Variants in TENM1 observed in about 807,000 individuals in gnomAD.
TENM1 encodes the protein teneurin transmembrane protein 1.
TENM1 carries 35 observed loss-of-function variants against 174.8 expected under a neutral mutation model. That is an observed-to-expected ratio of 0.20 (90% CI 0.15 to 0.27). The LOEUF (loss-of-function observed/expected upper bound fraction) is 0.27, where lower values mean the gene tolerates loss of function less well. Among genes scored for constraint, TENM1 ranks in the 10% least tolerant of loss-of-function variants. The pLI, the probability that TENM1 is intolerant of heterozygous loss-of-function variation, is 1.00. For synonymous variants in TENM1, 781 were observed against 798.7 expected, an observed-to-expected ratio of 0.98 and a Z score of 0.37; for missense variants, 1,633 against 2,130.1, an observed-to-expected ratio of 0.77 and a Z score of 4.59.
chrX:124,690,652 C>T (rs1169206547), intron 5 of TENM1, among the ~76,000 whole-genome samples: 2 of 110,152 alleles, frequency 1.8e-5, no homozygotes, highest in African/African-American at 3.3e-5. Flanking sequence ...GAGTGGATTC[C>T]TCATAAATGG....
At chrX:124,802,624 G>T (rs1007402408) in intron 3 of TENM1, among the ~76,000 whole-genome samples, 1 of 111,373 alleles carries the variant, frequency 9.0e-6, no homozygotes, top group African/African-American at 3.3e-5. Flanking sequence ...CACACCAGCC[G>T]CCTAGTCAGT....
chrX:124,912,773 A>C (rs1220546686), intron 1 of TENM1, among the ~76,000 whole-genome samples: 2 of 111,946 alleles, frequency 1.8e-5, no homozygotes, highest in Non-Finnish European at 3.8e-5. Context: ...CCACTTGCGA[A>C]CAGTTTGATT....
At chrX:125,157,832 C>T in the TENM1 span, among the ~76,000 whole-genome samples, 1,718 of 111,536 alleles carry the variant, frequency 0.015, 37 homozygotes, top group African/African-American at 0.052. Flanking sequence ...AACACATACC[C>T]GAGCAATTAT....
chrX:125,003,993 G>T, the TENM1 span, among the ~76,000 whole-genome samples: 1 of 111,814 alleles, frequency 8.9e-6, no homozygotes, highest in Non-Finnish European at 1.9e-5. Context: ...GGAGAAAGAT[G>T]TTAAGTTAAT....
intron 27 of TENM1, 62 bp from the exon 31 acceptor site, chrX:124,392,410 G>GACAAT (rs1569528909): frequency 1.1e-6 from 1 of 900,210 alleles, no homozygotes; most frequent in Non-Finnish European, 1.6e-6. Flanking sequence ...TTAGAGCACT[G>GACAAT]ACAATCATGA....
chrX:124,387,430 C>G (rs1226117000), intron 28 of TENM1, among the ~76,000 whole-genome samples: 1 of 111,775 alleles, frequency 8.9e-6, no homozygotes, highest in East Asian at 2.8e-4. Flanking sequence ...TCTGATATGA[C>G]TCCCTAGAGG....
At chrX:125,064,591 G>GA in the TENM1 span, among the ~76,000 whole-genome samples, 1 of 110,027 alleles carries the variant, frequency 9.1e-6, no homozygotes, top group African/African-American at 3.3e-5. Flanking sequence ...AATTTGTGTG[G>GA]AAAAAAATAA....
chrX:124,380,698 C>A, exon 32 of TENM1: 1 of 1,210,769 alleles, frequency 8.3e-7, no homozygotes, highest in African/African-American at 1.7e-5. Flanking sequence ...ATGCCCTAAT[C>A]CCCTCTTCCC....
At chrX:124,383,079 C>G (rs1157770184) in intron 30 of TENM1, among the ~76,000 whole-genome samples, 1 of 110,321 alleles carries the variant, frequency 9.1e-6, no homozygotes, top group African/African-American at 3.3e-5. Flanking sequence ...CCTCAGCCTC[C>G]TTCCTGAGTA....
At chrX:124,580,521 C>T (rs966260097) in intron 11 of TENM1, among the ~76,000 whole-genome samples, 4 of 109,098 alleles carry the variant, frequency 3.7e-5, no homozygotes, top group Non-Finnish European at 7.6e-5. Flanking sequence ...TATATGCACA[C>T]ACACATACAC....
At chrX:124,416,991 C>A (rs1042217929) in intron 25 of TENM1, among the ~76,000 whole-genome samples, 5 of 111,832 alleles carry the variant, frequency 4.5e-5, no homozygotes, top group South Asian at 7.5e-4. Flanking sequence ...ACTGACTCTG[C>A]TGGCATCTTG....
At chrX:124,736,489 T>G (rs1198765534) in intron 4 of TENM1, among the ~76,000 whole-genome samples, 1 of 111,281 alleles carries the variant, frequency 9.0e-6, no homozygotes, top group East Asian at 2.8e-4. Flanking sequence ...GCTGATCCTT[T>G]TTTTTTTTAA....
At chrX:125,098,881 C>T in the TENM1 span, among the ~76,000 whole-genome samples, 5 of 112,220 alleles carry the variant, frequency 4.5e-5, no homozygotes, top group South Asian at 3.7e-4. Flanking sequence ...TTTATCCAGA[C>T]GAAATACGGT....
chrX:124,553,383 C>T (rs1322874915), intron 14 of TENM1, among the ~76,000 whole-genome samples: 3 of 108,445 alleles, frequency 2.8e-5, no homozygotes. Flanking sequence ...ATCTGTAATC[C>T]CAGCTACTCG....
At chrX:124,908,487 G>A (rs1252071033) in intron 1 of TENM1, among the ~76,000 whole-genome samples, 5 of 110,904 alleles carry the variant, frequency 4.5e-5, no homozygotes, top group Non-Finnish European at 7.6e-5. Context: ...CCATGTCCCT[G>A]CAAAGGACAT....
intron 16 of TENM1, among the ~76,000 whole-genome samples, chrX:124,525,937 A>G (rs1308482478): frequency 8.9e-6 from 1 of 111,907 alleles, no homozygotes; most frequent in Non-Finnish European, 1.9e-5. Context: ...CATTTGCCAT[A>G]TGTTTTCTTT....
chrX:124,638,160 C>T (rs955776501), intron 11 of TENM1, among the ~76,000 whole-genome samples: 1 of 110,725 alleles, frequency 9.0e-6, no homozygotes, highest in Non-Finnish European at 1.9e-5. Flanking sequence ...GTTTAGGGTA[C>T]TTCATCTGGA....
chrX:125,188,485 T>C, the TENM1 span, among the ~76,000 whole-genome samples: 3 of 112,359 alleles, frequency 2.7e-5, no homozygotes, highest in Non-Finnish European at 5.6e-5. Context: ...TTAATTAACC[T>C]TATGGTCCCA....
At chrX:124,673,788 T>C (rs1001617446) in intron 5 of TENM1, among the ~76,000 whole-genome samples, 33 of 110,944 alleles carry the variant, frequency 3.0e-4, no homozygotes, top group African/African-American at 1.1e-3. Flanking sequence ...TTCATGCATG[T>C]GTATAGGTGT....
Sources: gnomAD v4.1 joint callset for allele counts (sites outside exome capture counted in the v4.1 genomes callset) on GRCh38, gnomAD v4.1.1 for gene constraint, MANE v1.5 for transcripts, NCBI Gene and HGNC (gene_info 2026-07-23, HGNC 2026-07-21) for gene names.